Variants in WDR27 observed in about 807,000 individuals in gnomAD.
WDR27 encodes the protein WD repeat domain 27, also known as WD repeat-containing protein 27.
WDR27 carries 100 observed loss-of-function variants against 114.4 expected under a neutral mutation model. That is an observed-to-expected ratio of 0.87 (90% confidence interval 0.74 to 1.03). The LOEUF is 1.03. Ranked by LOEUF, WDR27 falls within the 50% of genes least tolerant of loss-of-function variation. The pLI, the probability that WDR27 is intolerant of heterozygous loss-of-function variation, is 0.00. For synonymous variants in WDR27, 449 were observed against 423.1 expected (o/e 1.06, Z -0.75); for missense variants, 1,129 against 1,092.9 (o/e 1.03, Z -0.47).
intron 2 of WDR27, among the ~76,000 whole-genome samples, chr6:169,680,596 G>A (rs1205995935): frequency 6.6e-6 from 1 of 152,052 alleles, no homozygotes; most frequent in East Asian, 1.9e-4. Context: ...GAAAAAAGAA[G>A]ATATTTTTCT....
At chr6:169,587,214 CTT>C (rs770797963) in intron 23 of WDR27, among the ~76,000 whole-genome samples, 78 of 115,652 alleles carry the variant, frequency 6.7e-4, no homozygotes, top group Admixed American at 9.5e-4. Context: ...CAAGGATTTT[CTT>C]TTTTTTTTTT....
chr6:169,497,968 C>G (rs1790627865), intron 25 of WDR27, among the ~76,000 whole-genome samples: 1 of 152,072 alleles, frequency 6.6e-6, no homozygotes, highest in South Asian at 2.1e-4. Flanking sequence ...ATGTTCATAA[C>G]AGCATCATTC....
At chr6:169,543,159 T>A (rs906971110) in intron 25 of WDR27, among the ~76,000 whole-genome samples, 1 of 152,142 alleles carries the variant, frequency 6.6e-6, no homozygotes, top group Non-Finnish European at 1.5e-5. Flanking sequence ...GTATTTTACA[T>A]ATTCGTTTTA....
chr6:169,483,894 T>C (rs1788528076), intron 25 of WDR27, among the ~76,000 whole-genome samples: 1 of 152,036 alleles, frequency 6.6e-6, no homozygotes, highest in Admixed American at 6.6e-5. Flanking sequence ...TAAATGTGAT[T>C]CATCACATTA....
intron 6 of WDR27, among the ~76,000 whole-genome samples, chr6:169,665,795 C>T (rs757592581): frequency 5.9e-5 from 9 of 152,186 alleles, no homozygotes; most frequent in Non-Finnish European, 1.0e-4. Context: ...AAAGGCTGCC[C>T]GGTGAGTCCA....
chr6:169,678,035 A>G (rs1780511932), intron 2 of WDR27, among the ~76,000 whole-genome samples: 1 of 152,264 alleles, frequency 6.6e-6, no homozygotes, highest in Admixed American at 6.5e-5. Context: ...CTACTAGGGC[A>G]GTGCCAATGC....
At chr6:169,591,582 A>G (rs1015295297) in intron 23 of WDR27, among the ~76,000 whole-genome samples, 2 of 152,194 alleles carry the variant, frequency 1.3e-5, no homozygotes, top group Admixed American at 6.5e-5. Context: ...GACCAATGAC[A>G]TTTTATGTTT....
chr6:169,537,965 T>C (rs1796382459), intron 25 of WDR27, among the ~76,000 whole-genome samples: 1 of 151,966 alleles, frequency 6.6e-6, no homozygotes, highest in Non-Finnish European at 1.5e-5. Context: ...TCACTATATA[T>C]TGAAGCATTT....
At chr6:169,459,540 T>C (rs1038822458) in intron 25 of WDR27, among the ~76,000 whole-genome samples, 5 of 151,590 alleles carry the variant, frequency 3.3e-5, no homozygotes, top group African/African-American at 1.2e-4. Context: ...AATGTATATA[T>C]ATACATTTAT....
intron 25 of WDR27, among the ~76,000 whole-genome samples, chr6:169,566,930 T>G (rs1378866016): frequency 6.6e-6 from 1 of 152,180 alleles, no homozygotes; most frequent in African/African-American, 2.4e-5. Context: ...TTTACTCTAC[T>G]TGGCTCCATT....
At chr6:169,600,881 A>C (rs867705404) in intron 23 of WDR27, among the ~76,000 whole-genome samples, 20 of 152,244 alleles carry the variant, frequency 1.3e-4, no homozygotes, top group African/African-American at 4.6e-4. Flanking sequence ...CCAAGTTGGA[A>C]AATACTTTGC....
At chr6:169,584,234 T>TG (rs1413122004) in intron 23 of WDR27, among the ~76,000 whole-genome samples, 1 of 152,214 alleles carries the variant, frequency 6.6e-6, no homozygotes, top group African/African-American at 2.4e-5. Context: ...ATCCACACTG[T>TG]GGCAAATGGC....
At chr6:169,514,321 C>G (rs931198717) in intron 25 of WDR27, among the ~76,000 whole-genome samples, 10 of 150,660 alleles carry the variant, frequency 6.6e-5, no homozygotes, top group African/African-American at 2.4e-4. Flanking sequence ...GTCAAACTGA[C>G]AAAATATATT....
chr6:169,653,436 T>C (rs889131791), intron 13 of WDR27, among the ~76,000 whole-genome samples: 5 of 152,200 alleles, frequency 3.3e-5, no homozygotes, highest in Admixed American at 3.3e-4. Context: ...ACATATCTTA[T>C]AATGAAAAAA....
intron 25 of WDR27, among the ~76,000 whole-genome samples, chr6:169,571,127 A>C (rs1357271627): frequency 1.3e-5 from 2 of 152,206 alleles, no homozygotes; most frequent in African/African-American, 4.8e-5. Flanking sequence ...AAAACCAAGG[A>C]ATGTAACCTT....
rs778063155 is a variant in WDR27, at chr6:169,689,007, T to G, written c.-2A>C. 1 of 1,608,532 alleles carries G rather than the reference T, an allele frequency of 6.2e-7. No individual in the cohort carries two copies. Among genetic ancestry groups the G allele is most frequent in the Non-Finnish European group, 8.5e-7 (1 of 1,177,386 alleles). On this transcript the variant is annotated 5_prime_UTR_variant, in exon 2 of 26. Coordinates refer to ENST00000448612, the MANE Select transcript of WDR27 (RefSeq NM_182552.5). ...GAAAATGTCTTGGGGATTTTCCATC[T>G]TCAATCTGAAAACAAAAAGTACATA...
chr6:169,469,163 A>G (rs370681059), intron 25 of WDR27, among the ~76,000 whole-genome samples: 78 of 152,176 alleles, frequency 5.1e-4, no homozygotes, highest in Non-Finnish European at 9.0e-4. Flanking sequence ...CTTACATGTA[A>G]AATATATTCA....
intron 21 of WDR27, among the ~76,000 whole-genome samples, chr6:169,624,275 T>TGTCAGGTGTGTGGC (rs1178237612): frequency 2.7e-5 from 4 of 150,468 alleles, no homozygotes; most frequent in East Asian, 2.0e-4. Context: ...TGGCGTGTGG[T>TGTCAGGTGTGTGGC]GTCAGGTGTG....
chr6:169,629,132 C>T (rs1363470274), intron 21 of WDR27, among the ~76,000 whole-genome samples: 2 of 152,018 alleles, frequency 1.3e-5, no homozygotes, highest in Non-Finnish European at 2.9e-5. Flanking sequence ...ATATCATTTT[C>T]CAAAATAATT....
Sources: allele counts gnomAD v4.1 joint callset (sites outside exome capture counted in the v4.1 genomes callset), GRCh38; gene constraint gnomAD v4.1.1; transcripts MANE v1.5; gene names NCBI Gene and HGNC (gene_info 2026-07-23, HGNC 2026-07-21).